Variants in GNG12 observed in about 807,000 individuals in gnomAD.
The protein encoded by GNG12 is G protein subunit gamma 12.
For missense variants in GNG12, 69 were observed against 83.8 expected (o/e 0.82, Z 0.69); for synonymous variants, 28 against 29.7 (o/e 0.94, Z 0.19).
At chr1:67,710,182 ATATATATAGTTATATATATATAGT>A (rs1646285968) in intron 2 of GNG12, among the ~76,000 whole-genome samples, 5 of 39,186 alleles carry the variant, frequency 1.3e-4, no homozygotes, top group South Asian at 9.3e-4. Flanking sequence ...ATATATAGTT[ATATATATAGTTATATATATATAGT>A]TATATATATA....
chr1:67,760,630 G>A (rs1394758060), intron 2 of GNG12, among the ~76,000 whole-genome samples: 1 of 152,230 alleles, frequency 6.6e-6, no homozygotes, highest in African/African-American at 2.4e-5. Flanking sequence ...GTAGAACTGT[G>A]TGGAAATACT....
chr1:67,749,616 A>G (rs1646527090), intron 2 of GNG12, among the ~76,000 whole-genome samples: 1 of 152,208 alleles, frequency 6.6e-6, no homozygotes, highest in South Asian at 2.1e-4. Flanking sequence ...TCTCAGAGGC[A>G]GCCTGCACGA....
chr1:67,773,656 A>G (rs3753369), intron 2 of GNG12, among the ~76,000 whole-genome samples: 21,774 of 152,162 alleles, frequency 0.14, 2,233 homozygotes, highest in African/African-American at 0.29. Flanking sequence ...TGTATCAAAA[A>G]CCACAACACA....
intron 2 of GNG12, among the ~76,000 whole-genome samples, chr1:67,728,232 G>A (rs146421604): frequency 1.7e-3 from 253 of 152,276 alleles, no homozygotes; most frequent in African/African-American, 5.9e-3. Flanking sequence ...CAGAGTATCA[G>A]GGTAGGACTT....
intron 2 of GNG12, among the ~76,000 whole-genome samples, chr1:67,745,068 AT>A (rs1182142492): frequency 1.3e-5 from 2 of 152,246 alleles, no homozygotes; most frequent in African/African-American, 4.8e-5. Context: ...GAATGAATGT[AT>A]TAGTATTTGT....
chr1:67,780,845 T>C (rs144309461), intron 1 of GNG12, among the ~76,000 whole-genome samples: 54 of 152,258 alleles, frequency 3.5e-4, no homozygotes, highest in African/African-American at 1.3e-3. Flanking sequence ...AACTAAGTAA[T>C]AACATGCTTA....
At chr1:67,798,395 A>C (rs1646844449) in intron 1 of GNG12, among the ~76,000 whole-genome samples, 1 of 152,134 alleles carries the variant, frequency 6.6e-6, no homozygotes, top group East Asian at 1.9e-4. Flanking sequence ...CCATGGAAAA[A>C]CCGTCTTCCA....
chr1:67,830,939 TTAAG>T (rs1364979821), intron 1 of GNG12, among the ~76,000 whole-genome samples: 1 of 152,220 alleles, frequency 6.6e-6, no homozygotes, highest in Admixed American at 6.5e-5. Flanking sequence ...TAAGTCCAGT[TTAAG>T]TGTTTTCCAA....
At chr1:67,785,712 C>T (rs1646764095) in intron 1 of GNG12, among the ~76,000 whole-genome samples, 1 of 152,194 alleles carries the variant, frequency 6.6e-6, no homozygotes, top group African/African-American at 2.4e-5. Flanking sequence ...CTCTTTGCTA[C>T]ACCATTCCTT....
At chr1:67,763,118 A>AGAGAGAGAGAGAGG (rs1279246951) in intron 2 of GNG12, among the ~76,000 whole-genome samples, 1 of 151,696 alleles carries the variant, frequency 6.6e-6, no homozygotes, top group East Asian at 1.9e-4. Flanking sequence ...AGAGAGAGAG[A>AGAGAGAGAGAGAGG]GAATCAATAT....
intron 1 of GNG12, among the ~76,000 whole-genome samples, chr1:67,826,470 C>G (rs1570579659): frequency 6.6e-6 from 1 of 152,230 alleles, no homozygotes. Flanking sequence ...CCTTCTGCTT[C>G]TTGGCCAGAC....
At chr1:67,740,232 C>T (rs57754789) in intron 2 of GNG12, among the ~76,000 whole-genome samples, 8,499 of 152,208 alleles carry the variant, frequency 0.056, 720 homozygotes, top group African/African-American at 0.18. Context: ...TGAATTAATT[C>T]GCTATACAGG....
chr1:67,736,006 T>G (rs1165365406), intron 2 of GNG12, among the ~76,000 whole-genome samples: 1 of 151,486 alleles, frequency 6.6e-6, no homozygotes, highest in Admixed American at 6.5e-5. Context: ...TGACCCCCTC[T>G]GCACTGGGGA....
chr1:67,825,661 A>G (rs1647006977), intron 1 of GNG12, among the ~76,000 whole-genome samples: 1 of 152,230 alleles, frequency 6.6e-6, no homozygotes, highest in African/African-American at 2.4e-5. Context: ...GCAGCTACTC[A>G]TAGGTAAGTT....
At chr1:67,806,288 A>G (rs1047697946) in intron 1 of GNG12, among the ~76,000 whole-genome samples, 3 of 152,226 alleles carry the variant, frequency 2.0e-5, no homozygotes, top group African/African-American at 7.2e-5. Flanking sequence ...ATTAAAAAAT[A>G]GCAACAATAT....
chr1:67,811,146 G>C (rs114578227), intron 1 of GNG12, among the ~76,000 whole-genome samples: 13 of 152,314 alleles, frequency 8.5e-5, no homozygotes, highest in Non-Finnish European at 1.5e-4. Flanking sequence ...CTGCTCTGAA[G>C]TCATAGTTTT....
intron 1 of GNG12, among the ~76,000 whole-genome samples, chr1:67,790,082 AAAAAAC>A (rs1164892783): frequency 3.3e-5 from 5 of 151,994 alleles, no homozygotes; most frequent in African/African-American, 1.2e-4. Flanking sequence ...ACAGCTTATT[AAAAAAC>A]AAAAACAAAA....
In GNG12 at chr1:67,712,679, C is replaced by T. The variant is rs114429896; in HGVS notation, c.-26-4967G>A. On this transcript the variant is annotated intron_variant, in intron 2 of 3. Coordinates refer to ENST00000370982, the MANE Select transcript of GNG12 (RefSeq NM_018841.6). ...TTGCACCCCAGCCTGGGTAACAGAG[C>T]GAGACCCCCATTTAAAAAAAAAAAG... Among the ~76,000 whole-genome samples the T allele has an allele frequency of 5.2e-3, 782 of 151,824 alleles. 7 individuals carry two copies. The highest frequency in any genetic ancestry group is 0.018 in the African/African-American group (744 of 41,382).
intron 2 of GNG12, among the ~76,000 whole-genome samples, chr1:67,743,089 T>C (rs993929676): frequency 6.6e-6 from 1 of 152,186 alleles, no homozygotes; most frequent in African/African-American, 2.4e-5. Context: ...AGGTTTCTTT[T>C]TGACTGCTTA....
Sources: allele counts gnomAD v4.1 joint callset (sites outside exome capture counted in the v4.1 genomes callset), GRCh38; gene constraint gnomAD v4.1.1; transcripts MANE v1.5; gene names NCBI Gene and HGNC (gene_info 2026-07-23, HGNC 2026-07-21).